Variants in ERICH2 observed in about 807,000 individuals in gnomAD.
ERICH2 encodes the protein glutamate-rich protein 2.
ERICH2 carries 17 observed loss-of-function variants against 17.4 expected under a neutral mutation model. That is an observed-to-expected ratio of 0.98 (90% CI 0.67 to 1.47). ERICH2 has a LOEUF of 1.47. Ranked by LOEUF, ERICH2 falls within the 40% of genes most tolerant of loss-of-function variation. ERICH2 has a pLI of 0.00. For missense variants in ERICH2, 186 were observed against 183.2 expected, an observed-to-expected ratio of 1.01 and a Z score of -0.09; for synonymous variants, 51 against 61.1, an observed-to-expected ratio of 0.83 and a Z score of 0.77.
chr2:170,776,327 G>A, the ERICH2 span, among the ~76,000 whole-genome samples: 1 of 152,160 alleles, frequency 6.6e-6, no homozygotes, highest in African/African-American at 2.4e-5. Flanking sequence ...AGATACTGTG[G>A]AAGAATTTCT....
rs1218056903 is a variant in ERICH2, at chr2:170,798,846, TGAG to T, written c.427_429del (p.Glu143del). 10 of 1,550,498 alleles carry T rather than the reference TGAG, an allele frequency of 6.4e-6. No individual in the cohort carries two copies. The African/African-American group carries it at 8.2e-5, about 13-fold the overall frequency. ...GTGGTGAGAGTAAAGGAGAAAGCGA[TGAG>T]GAGCTGAGTGACGAGAGCTCTGACG... On this transcript the variant is annotated inframe_deletion, in exon 5 of 5. Coordinates refer to ENST00000409885, the Ensembl canonical transcript of ERICH2.
intron 3 of ERICH2, among the ~76,000 whole-genome samples, chr2:170,796,840 G>A (rs531580839): frequency 7.9e-5 from 12 of 152,084 alleles, no homozygotes; most frequent in South Asian, 4.2e-4. Context: ...AATATTAAAC[G>A]GATGATGCAA....
the ERICH2 span, chr2:170,771,356 C>G: frequency 1.3e-5 from 2 of 152,266 alleles, no homozygotes; most frequent in Non-Finnish European, 2.9e-5. The surrounding 1 kb of genome is among the most constrained non-coding windows in gnomAD (Gnocchi z 4.8). Context: ...CAGGGGCCGC[C>G]GGGAAGGGAG....
intron 4 of ERICH2, 25 bp from the exon 10 acceptor site, chr2:170,798,745 G>A (rs1415732193): frequency 1.3e-6 from 2 of 1,550,162 alleles, no homozygotes; most frequent in Non-Finnish European, 1.7e-6. Flanking sequence ...AACACCTTAA[G>A]CAATCCTCTT....
At chr2:170,772,829 G>A in the ERICH2 span, among the ~76,000 whole-genome samples, 2 of 152,118 alleles carry the variant, frequency 1.3e-5, no homozygotes, top group Admixed American at 1.3e-4. Flanking sequence ...TATTCATTCT[G>A]TCTTTGCCTA....
intron 2 of ERICH2, among the ~76,000 whole-genome samples, chr2:170,788,940 C>CTTCT (rs67359646): frequency 6.0e-4 from 91 of 150,556 alleles, no homozygotes; most frequent in African/African-American, 1.9e-3. Flanking sequence ...TATTCTTCTT[C>CTTCT]TTCTTTCTTT....
rs188188659 is a variant in ERICH2 at position 170,791,088 on chromosome 2, A to G, written c.217-1775A>G. Reference sequence around the variant, plus strand: ...GGATGACATAGATATAAACCACTAAATATCATAATTAAAATGGAAGAAAAC... The same window carrying G: ...GGATGACATAGATATAAACCACTAAGTATCATAATTAAAATGGAAGAAAAC... On this transcript the variant is annotated intron_variant, in intron 2 of 4. Transcript: ENST00000409885. 1.8e-4 allele frequency among the ~76,000 whole-genome samples: 27 copies of G among 152,310 alleles called. 1 individual carries two copies. Among genetic ancestry groups the G allele is most frequent in the African/African-American group, 5.8e-4 (24 of 41,576 alleles).
intron 3 of ERICH2, among the ~76,000 whole-genome samples, chr2:170,795,442 T>C (rs986323218): frequency 6.6e-6 from 1 of 152,128 alleles, no homozygotes; most frequent in African/African-American, 2.4e-5. Context: ...TGAACTCCCA[T>C]GCTCAAGGGA....
intron 2 of ERICH2, among the ~76,000 whole-genome samples, chr2:170,785,228 C>T (rs919630681): frequency 3.3e-5 from 5 of 151,838 alleles, no homozygotes; most frequent in Non-Finnish European, 5.9e-5. Flanking sequence ...AACATGTACC[C>T]CCAAAATGTA....
chr2:170,798,070 G>A, exon 4 of ERICH2: 1 of 1,549,376 alleles, frequency 6.5e-7, no homozygotes, highest in Non-Finnish European at 8.7e-7. Context: ...AAATCCTGAG[G>A]CCAAGGAGTT....
At chr2:170,796,423 TCTTTG>T (rs1303063807) in intron 3 of ERICH2, among the ~76,000 whole-genome samples, 6 of 64,034 alleles carry the variant, frequency 9.4e-5, no homozygotes, top group African/African-American at 2.9e-4. Context: ...TCTCTCTCTC[TCTTTG>T]TTTTTTTTTT....
chr2:170,788,490 C>T (rs201329462), intron 2 of ERICH2, among the ~76,000 whole-genome samples: 6 of 36,276 alleles, frequency 1.7e-4, no homozygotes, highest in Non-Finnish European at 3.1e-4. Context: ...ATTTTATTTT[C>T]GAGACGGAGT....
intron 3 of ERICH2, among the ~76,000 whole-genome samples, chr2:170,794,177 G>A (rs1020522651): frequency 4.9e-5 from 6 of 123,708 alleles, no homozygotes; most frequent in African/African-American, 6.1e-5. Context: ...TGCAATCTCC[G>A]CTCACTGCAA....
At chr2:170,776,247 ATT>A in the ERICH2 span, among the ~76,000 whole-genome samples, 1 of 152,218 alleles carries the variant, frequency 6.6e-6, no homozygotes, top group South Asian at 2.1e-4. Flanking sequence ...TAAGAATTAT[ATT>A]TTAGAATCAA....
At chr2:170,797,797 A>G (rs1701465669) in intron 3 of ERICH2, among the ~76,000 whole-genome samples, 1 of 134,958 alleles carries the variant, frequency 7.4e-6, no homozygotes, top group South Asian at 2.2e-4. Context: ...GTCTCAGGGA[A>G]AAAAAAAAAA....
chr2:170,798,295 T>C (rs1701479592), intron 4 of ERICH2, among the ~76,000 whole-genome samples, 183 bp downstream of exon 9: 1 of 152,154 alleles, frequency 6.6e-6, no homozygotes, highest in Non-Finnish European at 1.5e-5. Flanking sequence ...GACCCCCTTC[T>C]CTCTGTGGGA....
intron 2 of ERICH2, among the ~76,000 whole-genome samples, chr2:170,786,631 G>A (rs1365976419): frequency 6.6e-6 from 1 of 151,982 alleles, no homozygotes; most frequent in East Asian, 1.9e-4. Context: ...TTGCTAAAAC[G>A]CTGAACCACT....
chr2:170,772,553 C>G, the ERICH2 span, among the ~76,000 whole-genome samples: 41,838 of 152,072 alleles, frequency 0.28, 7,052 homozygotes, highest in Non-Finnish European at 0.37. Flanking sequence ...AACCTGACTC[C>G]AGAGTCTGGA....
the ERICH2 span, among the ~76,000 whole-genome samples, chr2:170,773,976 C>T: frequency 1.1e-4 from 16 of 152,296 alleles, no homozygotes; most frequent in Admixed American, 5.2e-4. Flanking sequence ...CTGGCCTCGA[C>T]CTCCCAAAGT....
Sources: gnomAD v4.1 joint callset for allele counts (sites outside exome capture counted in the v4.1 genomes callset) on GRCh38, gnomAD v4.1.1 for gene constraint, Gnocchi (gnomAD v3.1) non-coding constraint, MANE v1.5 for transcripts, NCBI Gene and HGNC (gene_info 2026-07-23, HGNC 2026-07-21) for gene names.